Variants in MPDZ observed in about 807,000 individuals in gnomAD.
MPDZ encodes the protein multiple PDZ domain crumbs cell polarity complex component, also known as multiple PDZ domain protein.
Under a neutral mutation model 239.1 loss-of-function variants are expected in MPDZ, and 234 were observed. The ratio of observed to expected loss-of-function variants is 0.98; its 90% CI spans 0.88 to 1.09. The LOEUF is 1.09. MPDZ is among the 50% of genes least tolerant of loss of function. The pLI, the probability that MPDZ is intolerant of heterozygous loss-of-function variation, is 0.00. For synonymous variants in MPDZ, 1,048 were observed against 881.3 expected (o/e 1.19, Z -3.35); for missense variants, 3,175 against 2,510.0 (o/e 1.26, Z -5.66).
At chr9:13,141,367 T>C (rs761270815) in intron 27 of MPDZ, among the ~76,000 whole-genome samples, 5 of 152,094 alleles carry the variant, frequency 3.3e-5, no homozygotes, top group Non-Finnish European at 5.9e-5. Flanking sequence ...TAACTCTTAA[T>C]CCAGTGCACT....
chr9:13,142,619 C>T (rs1193870465), intron 27 of MPDZ, among the ~76,000 whole-genome samples: 1 of 152,104 alleles, frequency 6.6e-6, no homozygotes, highest in African/African-American at 2.4e-5. Flanking sequence ...AAATTCCACA[C>T]TGACACAAAC....
chr9:13,192,950 C>A (rs913581442), intron 14 of MPDZ, among the ~76,000 whole-genome samples: 1 of 151,968 alleles, frequency 6.6e-6, no homozygotes, highest in African/African-American at 2.4e-5. Flanking sequence ...GTTTTCTGAA[C>A]CTAAATAAAA....
intron 36 of MPDZ, 98 bp downstream of exon 36, chr9:13,123,055 C>A: frequency 7.8e-7 from 1 of 1,277,240 alleles, no homozygotes; most frequent in Non-Finnish European, 1.0e-6. Flanking sequence ...TCGGCCTTCA[C>A]ATTTCCTTTA....
chr9:13,169,569 C>T (rs1402800272), intron 21 of MPDZ, among the ~76,000 whole-genome samples: 2 of 152,052 alleles, frequency 1.3e-5, no homozygotes, highest in Non-Finnish European at 1.5e-5. Flanking sequence ...TGACTTTTTG[C>T]AAAAGCCTCC....
At chr9:13,196,254 T>C (rs1282205204) in intron 12 of MPDZ, 24 bp from the exon 13 acceptor site, 1 of 1,502,522 alleles carries the variant, frequency 6.7e-7, no homozygotes, top group Non-Finnish European at 9.1e-7. Context: ...GGCAATTAAG[T>C]TAGCAGCAAA....
At chr9:13,222,701 C>A (rs1329639187) in intron 5 of MPDZ, among the ~76,000 whole-genome samples, 2 of 152,072 alleles carry the variant, frequency 1.3e-5, no homozygotes, top group African/African-American at 2.4e-5. Context: ...ACCTACTCAG[C>A]CTACATTACA....
At chr9:13,180,333 G>A (rs999018404) in intron 19 of MPDZ, among the ~76,000 whole-genome samples, 1 of 152,120 alleles carries the variant, frequency 6.6e-6, no homozygotes, top group African/African-American at 2.4e-5. Context: ...TAAACATCAA[G>A]TTCAACCTGC....
At chr9:13,123,795 T>C (rs964247113) in intron 35 of MPDZ, among the ~76,000 whole-genome samples, 1 of 152,174 alleles carries the variant, frequency 6.6e-6, no homozygotes, top group Non-Finnish European at 1.5e-5. Context: ...TCGGGGCTTT[T>C]TACATTTTTG....
At chr9:13,211,269 C>T (rs1355296895) in intron 10 of MPDZ, among the ~76,000 whole-genome samples, 4 of 151,998 alleles carry the variant, frequency 2.6e-5, no homozygotes, top group Non-Finnish European at 5.9e-5. Context: ...AAGGGAAGAA[C>T]CTTCCCCATT....
chr9:13,265,515 G>A (rs1011023887), intron 1 of MPDZ, among the ~76,000 whole-genome samples: 2 of 152,322 alleles, frequency 1.3e-5, no homozygotes, highest in African/African-American at 4.8e-5. Context: ...GCTGCGGTAA[G>A]CCGAGATTGC....
intron 17 of MPDZ, among the ~76,000 whole-genome samples, chr9:13,187,389 C>G (rs1954261778): frequency 6.6e-6 from 1 of 152,086 alleles, no homozygotes; most frequent in Admixed American, 6.6e-5. Context: ...TGCCATTTCT[C>G]TCTGTCCAAC....
intron 32 of MPDZ, among the ~76,000 whole-genome samples, chr9:13,127,561 A>G (rs1945308875): frequency 6.6e-6 from 1 of 152,258 alleles, no homozygotes. Flanking sequence ...AGCAAAGAAA[A>G]GAAAAGAGAA....
chr9:13,113,960 G>C lies in MPDZ; in HGVS notation c.5528C>G (p.Ser1843Ter), dbSNP rs1942935702. 6.3e-7 allele frequency: 1 copy of C among 1,597,406 alleles called. No homozygotes were observed. The highest frequency in any genetic ancestry group is 1.7e-5 in the Admixed American group (1 of 57,858). The change falls in exon 41 of 47, where the codon TCA (serine) becomes TGA (stop). Residue 1843 changes from serine to a stop codon, truncating the protein, a stop_gained. Coordinates refer to ENST00000319217, the MANE Select transcript of MPDZ (RefSeq NM_001378778.1). LOFTEE classifies it high-confidence loss of function. ...FPLSGSSTSESLESSSKKNAL... is the reference protein window; with the variant it reads ...FPLSGSSTSE ...ATTCTTCTTTGAGCTACTTTCCAGTGACTCAGATGTACTGGATCCAGAGAG... is the reference window on the plus strand; with the variant it reads ...ATTCTTCTTTGAGCTACTTTCCAGTCACTCAGATGTACTGGATCCAGAGAG...
intron 23 of MPDZ, among the ~76,000 whole-genome samples, chr9:13,162,136 C>A (rs185469984): frequency 6.6e-6 from 1 of 151,926 alleles, no homozygotes; most frequent in Non-Finnish European, 1.5e-5. Flanking sequence ...TGGTGGCACA[C>A]ACCTATAATC....
intron 17 of MPDZ, 25 bp from the exon 18 acceptor site, chr9:13,186,411 G>A: frequency 1.4e-6 from 2 of 1,442,702 alleles, no homozygotes; most frequent in South Asian, 1.2e-5. Flanking sequence ...TGGTATTCAT[G>A]GAAAAGAGAG....
chr9:13,227,057 T>C (rs955674832), intron 3 of MPDZ, among the ~76,000 whole-genome samples: 1 of 152,006 alleles, frequency 6.6e-6, no homozygotes, highest in Non-Finnish European at 1.5e-5. Flanking sequence ...CCACAAAACA[T>C]TTGAGATATC....
At chr9:13,268,875 T>A (rs1001520867) in intron 1 of MPDZ, among the ~76,000 whole-genome samples, 1 of 152,060 alleles carries the variant, frequency 6.6e-6, no homozygotes, top group African/African-American at 2.4e-5. Context: ...TGCAGGGACA[T>A]TGGGGAGGGA....
chr9:13,112,329 A>C (rs1460534792), intron 42 of MPDZ, among the ~76,000 whole-genome samples, 183 bp from the exon 43 acceptor site: 2 of 152,318 alleles, frequency 1.3e-5, no homozygotes, highest in Non-Finnish European at 2.9e-5. Flanking sequence ...TAGGAAAATA[A>C]GCATCTGTTC....
intron 13 of MPDZ, among the ~76,000 whole-genome samples, chr9:13,195,486 TA>T (rs1955525101): frequency 6.6e-6 from 1 of 152,190 alleles, no homozygotes; most frequent in South Asian, 2.1e-4. Flanking sequence ...CATACTATTT[TA>T]TTTTTTCTTT....
Sources: allele counts gnomAD v4.1 joint callset (sites outside exome capture counted in the v4.1 genomes callset), GRCh38; gene constraint gnomAD v4.1.1; transcripts MANE v1.5; gene names NCBI Gene and HGNC (gene_info 2026-07-23, HGNC 2026-07-21).